The following PRKCQ variants were observed in gnomAD, a reference collection of about 807,000 sequenced individuals.
The protein encoded by PRKCQ is protein kinase C theta.
PRKCQ carries 41 observed loss-of-function variants against 91.2 expected under a neutral mutation model. That is an observed-to-expected ratio of 0.45 (90% CI 0.35 to 0.58). PRKCQ has a LOEUF of 0.58. Among genes scored for constraint, PRKCQ ranks in the 20% least tolerant of loss-of-function variants. The pLI, the probability that PRKCQ is intolerant of heterozygous loss-of-function variation, is 0.00. For missense variants in PRKCQ, 673 were observed against 896.5 expected, an observed-to-expected ratio of 0.75 and a Z score of 3.18; for synonymous variants, 307 against 316.9, an observed-to-expected ratio of 0.97 and a Z score of 0.33.
At chr10:6,557,077 T>C (rs1377575875) in intron 1 of PRKCQ, among the ~76,000 whole-genome samples, 1 of 152,214 alleles carries the variant, frequency 6.6e-6, no homozygotes, top group African/African-American at 2.4e-5. Context: ...CTCCCGCTTA[T>C]AAACACCCTC....
At chr10:6,578,043 T>C (rs557351611) in intron 1 of PRKCQ, among the ~76,000 whole-genome samples, 42 of 152,328 alleles carry the variant, frequency 2.8e-4, no homozygotes, top group Middle Eastern at 6.8e-3. Context: ...GAATACTTTA[T>C]AGAAATGACC....
chr10:6,414,705 A>T, the PRKCQ span, among the ~76,000 whole-genome samples: 1 of 152,282 alleles, frequency 6.6e-6, no homozygotes, highest in East Asian at 1.9e-4. Flanking sequence ...GATATTACAA[A>T]GAAAATATTT....
At position 6,524,216 on chromosome 10, in the gene PRKCQ, A is replaced by C. The variant is rs115079680; in HGVS notation, c.-9-9072T>G. On this transcript the variant is annotated intron_variant, in intron 1 of 17. Coordinates refer to ENST00000263125, the MANE Select transcript of PRKCQ (RefSeq NM_006257.5). ...TCACCTAATAATATTAAAAATAGTC[A>C]TCACATTAATTATTGTAATGAACTC... Among the ~76,000 whole-genome samples the C allele has an allele frequency of 9.4e-3, 1,435 of 152,334 alleles. 18 individuals are homozygous for C. Among genetic ancestry groups the C allele is most frequent in the African/African-American group, 0.032 (1,346 of 41,572 alleles).
At chr10:6,547,524 C>T in intron 1 of PRKCQ, among the ~76,000 whole-genome samples, 1 of 151,828 alleles carries the variant, frequency 6.6e-6, no homozygotes, top group South Asian at 2.1e-4. Flanking sequence ...GTACTGGTAC[C>T]AAAACAGAGA....
chr10:6,445,626 T>A (rs1482590587), intron 15 of PRKCQ, among the ~76,000 whole-genome samples: 1 of 152,186 alleles, frequency 6.6e-6, no homozygotes, highest in Non-Finnish European at 1.5e-5. Flanking sequence ...TTTCTGAAAA[T>A]AAAGTTGCAA....
intron 17 of PRKCQ, among the ~76,000 whole-genome samples, chr10:6,429,472 A>C (rs1202332639): frequency 1.3e-5 from 2 of 152,088 alleles, no homozygotes; most frequent in African/African-American, 4.8e-5. Context: ...TTGCCCTGGG[A>C]ATGAGATGCA....
chr10:6,450,672 G>A (rs1258956752), intron 15 of PRKCQ, among the ~76,000 whole-genome samples: 1 of 152,112 alleles, frequency 6.6e-6, no homozygotes, highest in African/African-American at 2.4e-5. Context: ...CCACATAGTT[G>A]GAAGTAAAGC....
rs200607102 is a variant in PRKCQ, at chr10:6,515,109, C to T, written c.27G>A (p.Leu9=). The T allele has an allele frequency of 1.2e-6, 2 of 1,602,020 alleles. No homozygotes were observed. Among genetic ancestry groups the T allele is most frequent in the African/African-American group, 1.3e-5 (1 of 74,248 alleles). Residue 9 remains leucine, a synonymous_variant, in exon 2 of 18, where the codon TTG becomes TTA. Coordinates refer to ENST00000263125, the MANE Select transcript of PRKCQ (RefSeq NM_006257.5). MSPFLRIG[L]SNFDCGSCQS... is the part of the protein sequence containing the mutation. ...GGCAGGACCCGCAGTCAAAGTTGGA[C>T]AAGCCAATCCGAAGAAATGGCGACA...
chr10:6,538,408 G>A (rs1292450667), intron 1 of PRKCQ, among the ~76,000 whole-genome samples: 1 of 152,256 alleles, frequency 6.6e-6, no homozygotes, highest in Non-Finnish European at 1.5e-5. Context: ...TCTTAGCAGA[G>A]AGAGAGGAAA....
chr10:6,539,786 C>T (rs144910931), intron 1 of PRKCQ, among the ~76,000 whole-genome samples: 16 of 152,282 alleles, frequency 1.1e-4, no homozygotes, highest in African/African-American at 3.9e-4. Flanking sequence ...CACTCTGCAT[C>T]ACAAATTGCA....
intron 16 of PRKCQ, among the ~76,000 whole-genome samples, chr10:6,433,511 C>T (rs1288473757): frequency 6.6e-6 from 1 of 152,056 alleles, no homozygotes; most frequent in East Asian, 1.9e-4. Flanking sequence ...GATCACGCAT[C>T]TTCTATCCTC....
chr10:6,557,995 A>C (rs1840488172), intron 1 of PRKCQ, among the ~76,000 whole-genome samples: 2 of 152,184 alleles, frequency 1.3e-5, no homozygotes, highest in South Asian at 2.1e-4. Context: ...TTTTCTCTTA[A>C]TAATTTCATG....
intron 14 of PRKCQ, among the ~76,000 whole-genome samples, chr10:6,458,524 G>C (rs573040198): frequency 6.6e-6 from 1 of 152,266 alleles, no homozygotes; most frequent in South Asian, 2.1e-4. Flanking sequence ...AAGCAGAAGA[G>C]AACATCCAGG....
At chr10:6,516,348 G>C (rs937376009) in intron 1 of PRKCQ, among the ~76,000 whole-genome samples, 3 of 152,168 alleles carry the variant, frequency 2.0e-5, no homozygotes, top group African/African-American at 7.2e-5. Context: ...CTAATTTCCT[G>C]CAGAGTTTGG....
chr10:6,513,906 A>G (rs1461415482), intron 2 of PRKCQ, among the ~76,000 whole-genome samples: 2 of 152,104 alleles, frequency 1.3e-5, no homozygotes, highest in Non-Finnish European at 2.9e-5. Context: ...ATATAAAATA[A>G]CACACATCCC....
the PRKCQ span, among the ~76,000 whole-genome samples, chr10:6,407,862 C>G: frequency 6.6e-6 from 1 of 152,052 alleles, no homozygotes; most frequent in Non-Finnish European, 1.5e-5. This position sits in a 1 kb window ranked among gnomAD's most constrained non-coding sequence, Gnocchi z 4.0. Flanking sequence ...ATCATTTTAT[C>G]TGTAAAATCC....
chr10:6,521,904 G>GATGTT lies in PRKCQ; in HGVS notation c.-9-6765_-9-6761dup, dbSNP rs1377671425. Among the ~76,000 whole-genome samples the GATGTT allele has an allele frequency of 2.4e-4, 34 of 144,384 alleles. 1 individual carries two copies. The East Asian group carries it at 2.7e-3, about 11-fold the overall frequency. 94.7% of individuals were successfully genotyped at this position (144,384 alleles called of 152,430 possible). Reference sequence around the variant, plus strand: ...TGATATGTACTATGTTATGTTATGTGATGTTATGTTATGTTATGTTATTTA... The same window carrying GATGTT: ...TGATATGTACTATGTTATGTTATGTGATGTTATGTTATGTTATGTTATGTTATTTA... On this transcript the variant is annotated intron_variant, in intron 1 of 17. Transcript: ENST00000263125.
intron 15 of PRKCQ, among the ~76,000 whole-genome samples, chr10:6,445,895 G>A (rs1195795963): frequency 6.6e-6 from 1 of 152,216 alleles, no homozygotes; most frequent in Non-Finnish European, 1.5e-5. Context: ...AACCAGAAAC[G>A]TCTCTGAACC....
At chr10:6,548,554 T>TA (rs1377084683) in intron 1 of PRKCQ, among the ~76,000 whole-genome samples, 5 of 147,542 alleles carry the variant, frequency 3.4e-5, no homozygotes, top group Admixed American at 1.4e-4. Context: ...TATGCAGCCA[T>TA]AAAAAATGAT....
Sources: gnomAD v4.1 joint callset for allele counts (sites outside exome capture counted in the v4.1 genomes callset) on GRCh38, gnomAD v4.1.1 for gene constraint, Gnocchi (gnomAD v3.1) non-coding constraint, MANE v1.5 for transcripts, NCBI Gene and HGNC (gene_info 2026-07-23, HGNC 2026-07-21) for gene names.